The following PXYLP1 variants were observed in gnomAD, a reference collection of about 807,000 sequenced individuals.
The protein encoded by PXYLP1 is 2-phosphoxylose phosphatase 1, also known as acid phosphatase-like 2.
Under a neutral mutation model 37.9 loss-of-function variants are expected in PXYLP1, and 17 were observed. The ratio of observed to expected loss-of-function variants is 0.45; its 90% confidence interval spans 0.31 to 0.67. PXYLP1 has a LOEUF of 0.67. Ranked by LOEUF, PXYLP1 falls within the 30% of genes least tolerant of loss-of-function variation. PXYLP1 has a pLI of 0.07. For missense variants in PXYLP1, 511 were observed against 612.0 expected (o/e 0.84, Z 1.74); for synonymous variants, 221 against 232.2 (o/e 0.95, Z 0.44).
chr3:141,292,874 T>C lies in PXYLP1; in HGVS notation c.1112T>C (p.Leu371Pro), dbSNP rs775151612. ...QRATEGRKEE[L>P]FALYSAHDVT... The stretch of plus-strand genomic sequence containing the variant: ...GCCACCGAGGGCAGGAAAGAAGAGC[T>C]CTTTGCCCTCTACTCTGCTCATGAT... The change falls in exon 6 of 6, where the codon CTC becomes CCC. Residue 371 changes from leucine (L) to proline (P), a missense_variant. By Grantham distance (98) the Leu-to-Pro change is moderately conservative (BLOSUM62 -3). Transcript: ENST00000286353. This position sits in a 1 kb window ranked among gnomAD's most constrained non-coding sequence, Gnocchi z 4.3. 7 of 1,614,070 alleles carry C rather than the reference T, an allele frequency of 4.3e-6. No individual in the cohort carries two copies. The Admixed American group carries it at 5.0e-5, about 12-fold the overall frequency.
At chr3:141,256,123 G>A (rs186482211) in intron 1 of PXYLP1, among the ~76,000 whole-genome samples, 2 of 152,318 alleles carry the variant, frequency 1.3e-5, no homozygotes, top group African/African-American at 2.4e-5. Flanking sequence ...CAAGGAAAAG[G>A]GCGACTCCTT....
intron 1 of PXYLP1, among the ~76,000 whole-genome samples, chr3:141,256,207 C>T (rs1361936897): frequency 2.0e-5 from 3 of 152,166 alleles, no homozygotes; most frequent in Non-Finnish European, 4.4e-5. Flanking sequence ...CATATCTGCT[C>T]GACCGCAGGG....
chr3:141,233,139 A>G (rs1049620976), intron 1 of PXYLP1, among the ~76,000 whole-genome samples: 16 of 152,090 alleles, frequency 1.1e-4, no homozygotes, highest in Admixed American at 6.5e-4. Flanking sequence ...TTGGTGCCCA[A>G]TCGGGACATC....
At chr3:141,289,862 A>AGCT (rs1456364761) in intron 5 of PXYLP1, among the ~76,000 whole-genome samples, 27 of 152,126 alleles carry the variant, frequency 1.8e-4, no homozygotes, top group African/African-American at 6.3e-4. Flanking sequence ...TGGATCCAGG[A>AGCT]GCTGCTACCT....
At chr3:141,245,584 T>C (rs1940916811) in intron 1 of PXYLP1, among the ~76,000 whole-genome samples, 1 of 152,188 alleles carries the variant, frequency 6.6e-6, no homozygotes, top group Admixed American at 6.5e-5. Flanking sequence ...ACCTGGAGTG[T>C]TTTTTATTTT....
At chr3:141,258,422 C>T (rs556741185) in intron 1 of PXYLP1, 14 of 153,614 alleles carry the variant, frequency 9.1e-5, no homozygotes, top group African/African-American at 3.4e-4. Flanking sequence ...GGGAGAATGG[C>T]TCCCACAAGA....
intron 2 of PXYLP1, among the ~76,000 whole-genome samples, chr3:141,272,389 G>T (rs1053607784): frequency 6.6e-6 from 1 of 152,060 alleles, no homozygotes; most frequent in Admixed American, 6.5e-5. Flanking sequence ...ATTCCATGGG[G>T]ACCATCAATG....
At chr3:141,252,570 C>A (rs369316744) in intron 1 of PXYLP1, among the ~76,000 whole-genome samples, 3 of 152,150 alleles carry the variant, frequency 2.0e-5, no homozygotes, top group Admixed American at 2.0e-4. Flanking sequence ...AGCAAGAGGA[C>A]GGCACCAAAC....
Position 141,292,795 on chromosome 3 carries a change from T to C in PXYLP1, c.1033T>C (p.Ser345Pro). 1 of 1,613,446 alleles carries C rather than the reference T, an allele frequency of 6.2e-7. No homozygotes were observed. Among genetic ancestry groups the C allele is most frequent in the Non-Finnish European group, 8.5e-7 (1 of 1,179,694 alleles). Residue 345 changes from serine to proline, a missense_variant, in exon 6 of 6, where the codon TCT becomes CCT. Transcript: ENST00000286353. The surrounding 1 kb of genome is among the most constrained non-coding windows in gnomAD (Gnocchi z 4.3). Reference sequence around the variant, plus strand: ...GGAGAAGAAATTGTACTTCGGGTATTCTCTCCTGGGTGCCCACCCCATCCT... The same window carrying C: ...GGAGAAGAAATTGTACTTCGGGTATCCTCTCCTGGGTGCCCACCCCATCCT... ...RREKKLYFGY[S>P]LLGAHPILNQ... is the part of the protein sequence containing the mutation.
At chr3:141,260,005 C>T in intron 1 of PXYLP1, 118 bp from the exon 2 acceptor site, 2 of 690,848 alleles carry the variant, frequency 2.9e-6, no homozygotes, top group Non-Finnish European at 4.8e-6. Context: ...TGCATGCTTC[C>T]CTGCCGGGGG....
At chr3:141,254,096 A>C (rs1402331376) in intron 1 of PXYLP1, among the ~76,000 whole-genome samples, 1 of 152,014 alleles carries the variant, frequency 6.6e-6, no homozygotes, top group Non-Finnish European at 1.5e-5. Flanking sequence ...TATTTTTAGT[A>C]AAGATGTGGT....
chr3:141,248,030 T>TTTTTGTTTG (rs1553751228), intron 1 of PXYLP1, among the ~76,000 whole-genome samples: 1 of 149,088 alleles, frequency 6.7e-6, no homozygotes, highest in African/African-American at 2.5e-5. Context: ...TTTGTTTTTT[T>TTTTTGTTTG]TTTTTTTTTT....
At chr3:141,245,411 C>T (rs2107908130) in intron 1 of PXYLP1, among the ~76,000 whole-genome samples, 1 of 152,266 alleles carries the variant, frequency 6.6e-6, no homozygotes, top group Admixed American at 6.5e-5. Flanking sequence ...TCCTGGTTTT[C>T]CAAACATATG....
chr3:141,246,469 A>G (rs1188119682), intron 1 of PXYLP1, among the ~76,000 whole-genome samples: 1 of 152,224 alleles, frequency 6.6e-6, no homozygotes, highest in Admixed American at 6.5e-5. Context: ...GGCAGCCTCT[A>G]TGAGAAAGTG....
chr3:141,280,848 C>T (rs1213999312), intron 4 of PXYLP1, among the ~76,000 whole-genome samples: 1 of 152,194 alleles, frequency 6.6e-6, no homozygotes, highest in African/African-American at 2.4e-5. Flanking sequence ...CTGTGGCCAG[C>T]AGGCAGGGTG....
At position 141,257,279 on chromosome 3, in the gene PXYLP1, A is replaced by G. The variant is rs555158370; in HGVS notation, c.-53-2844A>G. Reference sequence around the variant, plus strand: ...TTACCTTGGCTCCATGTGGTCTCTCATGCACCAGCAGTCTGGCCTAGGGTC... The same window carrying G: ...TTACCTTGGCTCCATGTGGTCTCTCGTGCACCAGCAGTCTGGCCTAGGGTC... On this transcript the variant is annotated intron_variant, in intron 1 of 5. Transcript: ENST00000286353. 1.2e-4 allele frequency among the ~76,000 whole-genome samples: 18 copies of G among 152,310 alleles called. No homozygotes were observed. The East Asian group carries it at 3.5e-3, about 29-fold the overall frequency.
intron 2 of PXYLP1, chr3:141,274,260 A>C (rs1487715264): frequency 7.8e-7 from 1 of 1,281,510 alleles, no homozygotes; most frequent in African/African-American, 1.5e-5. Flanking sequence ...GGCGGCCTGC[A>C]GCCCGGGGTC....
At chr3:141,239,081 A>C (rs75734169) in intron 1 of PXYLP1, among the ~76,000 whole-genome samples, 138 of 142,800 alleles carry the variant, frequency 9.7e-4, no homozygotes, top group African/African-American at 3.5e-3. Flanking sequence ...AAAAAAAAAA[A>C]CCTTGCCCCA....
intron 4 of PXYLP1, among the ~76,000 whole-genome samples, chr3:141,281,149 G>C (rs1397592428): frequency 1.3e-5 from 2 of 152,188 alleles, no homozygotes; most frequent in South Asian, 2.1e-4. Flanking sequence ...CATCCACTTT[G>C]ATCAGCATTT....
Sources: gnomAD v4.1 joint callset for allele counts (sites outside exome capture counted in the v4.1 genomes callset) on GRCh38, gnomAD v4.1.1 for gene constraint, Gnocchi (gnomAD v3.1) non-coding constraint, MANE v1.5 for transcripts, NCBI Gene and HGNC (gene_info 2026-07-23, HGNC 2026-07-21) for gene names.